KIF11: variants seen among roughly 807,000 people sequenced by gnomAD.
The protein encoded by KIF11 is kinesin family member 11, also known as kinesin-like protein KIF11.
A neutral mutation model predicts 121.0 loss-of-function variants in KIF11; 9 were observed. The ratio of observed to expected loss-of-function variants is 0.07; its 90% CI spans 0.04 to 0.13. The LOEUF is 0.13. KIF11 is among the 10% of genes least tolerant of loss of function. KIF11 has a pLI of 1.00. For synonymous variants in KIF11, 408 were observed against 421.0 expected (o/e 0.97, Z 0.38); for missense variants, 846 against 1,217.5 (o/e 0.69, Z 4.54).
At chr10:92,643,555 A>AT (rs368633432) in intron 17 of KIF11, among the ~76,000 whole-genome samples, 13,460 of 123,356 alleles carry the variant, frequency 0.11, 1,362 homozygotes, top group African/African-American at 0.23. Flanking sequence ...TATCTACTAG[A>AT]TTTTTTTTTT....
intron 1 of KIF11, among the ~76,000 whole-genome samples, chr10:92,598,355 T>C (rs1844325484): frequency 6.6e-6 from 1 of 152,232 alleles, no homozygotes; most frequent in African/African-American, 2.4e-5. Flanking sequence ...AAAGCTTGTC[T>C]TTTTCTGATT....
chr10:92,624,761 G>A (rs72811221), intron 10 of KIF11, among the ~76,000 whole-genome samples: 14 of 84,056 alleles, frequency 1.7e-4, no homozygotes, highest in Non-Finnish European at 2.7e-4. Flanking sequence ...TAGTATTTCT[G>A]TGTGTGTGTG....
At chr10:92,628,972 A>AT in intron 11 of KIF11, 77 bp downstream of exon 11, 5 of 809,204 alleles carry the variant, frequency 6.2e-6, no homozygotes, top group Non-Finnish European at 9.8e-6. Context: ...AAGATCTAAT[A>AT]TTTTTTCCTT....
intron 1 of KIF11, among the ~76,000 whole-genome samples, chr10:92,600,236 C>A (rs1051349481): frequency 6.6e-6 from 1 of 151,964 alleles, no homozygotes; most frequent in Non-Finnish European, 1.5e-5. Flanking sequence ...AACTCCTGAC[C>A]TCGTGATCCG....
intron 14 of KIF11, 150 bp downstream of exon 14, chr10:92,633,945 G>A (rs1033775368): frequency 2.1e-5 from 12 of 576,638 alleles, no homozygotes; most frequent in African/African-American, 3.8e-5. Flanking sequence ...TCATAGACAC[G>A]TCACTGTGAG....
intron 17 of KIF11, among the ~76,000 whole-genome samples, chr10:92,643,877 AT>A (rs1404448358): frequency 6.6e-6 from 1 of 152,160 alleles, no homozygotes; most frequent in Admixed American, 6.5e-5. Flanking sequence ...AACTCTAGCT[AT>A]CATTTATATA....
chr10:92,633,924 A>C, intron 14 of KIF11, 129 bp downstream of exon 14: 2 of 613,580 alleles, frequency 3.3e-6, no homozygotes, highest in South Asian at 4.0e-5. Flanking sequence ...CCTGAGCTTT[A>C]CTAGACACAG....
At chr10:92,634,653 AC>A (rs1844778869) in intron 14 of KIF11, among the ~76,000 whole-genome samples, 1 of 152,222 alleles carries the variant, frequency 6.6e-6, no homozygotes, top group Non-Finnish European at 1.5e-5. Context: ...AATGTATGGA[AC>A]TAACTTTTGA....
At chr10:92,594,957 C>T (rs998118083) in intron 1 of KIF11, among the ~76,000 whole-genome samples, 4 of 152,072 alleles carry the variant, frequency 2.6e-5, no homozygotes, top group Admixed American at 2.6e-4. Flanking sequence ...AAATAGGCAA[C>T]TTATGAGTTG....
intron 21 of KIF11, among the ~76,000 whole-genome samples, chr10:92,651,028 T>A (rs1440971167): frequency 1.3e-5 from 2 of 151,826 alleles, no homozygotes; most frequent in South Asian, 4.1e-4. Context: ...TCCTGTGACC[T>A]CTCCTACCCA....
chr10:92,628,933 GC>G, intron 11 of KIF11, 38 bp downstream of exon 11: 5 of 1,101,356 alleles, frequency 4.5e-6, no homozygotes, highest in Non-Finnish European at 6.6e-6. Context: ...TATGTGAAAA[GC>G]AAATATTGAA....
At chr10:92,652,563 G>A (rs148280837) in intron 21 of KIF11, among the ~76,000 whole-genome samples, 102 of 152,166 alleles carry the variant, frequency 6.7e-4, no homozygotes, top group African/African-American at 2.2e-3. Context: ...GTCTTCCTCT[G>A]GGCAATTTTA....
intron 21 of KIF11, among the ~76,000 whole-genome samples, chr10:92,651,775 G>A (rs558486612): frequency 6.6e-6 from 1 of 151,718 alleles, no homozygotes; most frequent in South Asian, 2.1e-4. Flanking sequence ...TGTTCTCTAT[G>A]GGTAAGTAGG....
rs539245296 is a variant in KIF11 at position 92,633,066 on chromosome 10, T to C, written c.1702+373T>C. Among the ~76,000 whole-genome samples, 3 of 151,198 alleles carry C rather than the reference T, an allele frequency of 2.0e-5. No individual in the cohort carries two copies. In the South Asian group the frequency reaches 6.2e-4, roughly 31 times the overall value. ...TTTGTGCATAAACATTCTGCAACTT[T>C]TTTTGGGGGGGGCATATATATCTTG... On this transcript the variant is annotated intron_variant, in intron 13 of 21. Coordinates refer to ENST00000260731, the MANE Select transcript of KIF11 (RefSeq NM_004523.4).
intron 10 of KIF11, among the ~76,000 whole-genome samples, chr10:92,623,037 G>A (rs910872859): frequency 6.6e-6 from 1 of 152,132 alleles, no homozygotes; most frequent in African/African-American, 2.4e-5. Flanking sequence ...CCAACATGTG[G>A]GGATTATAAT....
At chr10:92,597,337 C>T (rs1360797531) in intron 1 of KIF11, 5 of 186,442 alleles carry the variant, frequency 2.7e-5, no homozygotes, top group African/African-American at 9.4e-5. Context: ...AGTCTCGGCT[C>T]ACTGTAACCT....
At chr10:92,603,147 A>C (rs1564703160) in intron 1 of KIF11, among the ~76,000 whole-genome samples, 1 of 151,948 alleles carries the variant, frequency 6.6e-6, no homozygotes, top group Non-Finnish European at 1.5e-5. Flanking sequence ...CTTGCTTTTT[A>C]GGTTCTGCTT....
At chr10:92,599,925 A>G (rs1275821940) in intron 1 of KIF11, among the ~76,000 whole-genome samples, 1 of 148,052 alleles carries the variant, frequency 6.8e-6, no homozygotes, top group Admixed American at 6.7e-5. Flanking sequence ...TTCTGGGATT[A>G]CAGCCGTGAG....
intron 18 of KIF11, among the ~76,000 whole-genome samples, chr10:92,647,776 G>A (rs1476231200): frequency 6.6e-6 from 1 of 152,082 alleles, no homozygotes; most frequent in Non-Finnish European, 1.5e-5. Context: ...GAATACAAGG[G>A]AGTTAATTAT....
Sources: allele counts gnomAD v4.1 joint callset (sites outside exome capture counted in the v4.1 genomes callset), GRCh38; gene constraint gnomAD v4.1.1; transcripts MANE v1.5; gene names NCBI Gene and HGNC (gene_info 2026-07-23, HGNC 2026-07-21).